The following ADAMTS3 variants were observed in gnomAD, a reference collection of about 807,000 sequenced individuals.
ADAMTS3 encodes the protein A disintegrin and metalloproteinase with thrombospondin motifs 3.
In ADAMTS3, 73 loss-of-function variants were observed where a neutral mutation model predicts 129.0. The ratio of observed to expected loss-of-function variants is 0.57; its 90% confidence interval spans 0.47 to 0.69. ADAMTS3 has a LOEUF of 0.69. Ranked by LOEUF, ADAMTS3 falls within the 30% of genes least tolerant of loss-of-function variation. The pLI, the probability that ADAMTS3 is intolerant of heterozygous loss-of-function variation, is 0.00. For synonymous variants in ADAMTS3, 477 were observed against 510.8 expected (o/e 0.93, Z 0.89); for missense variants, 1,457 against 1,514.5 (o/e 0.96, Z 0.63).
intron 5 of ADAMTS3, among the ~76,000 whole-genome samples, chr4:72,338,761 G>T (rs1411868738): frequency 2.0e-5 from 3 of 151,964 alleles, no homozygotes; most frequent in Admixed American, 6.6e-5. Context: ...CATATATAGA[G>T]TACATCAAAA....
intron 3 of ADAMTS3, among the ~76,000 whole-genome samples, chr4:72,539,920 G>A (rs1023474393): frequency 6.6e-6 from 1 of 152,142 alleles, no homozygotes; most frequent in African/African-American, 2.4e-5. Flanking sequence ...AAATTACCCA[G>A]TCTCAGATAC....
At chr4:72,342,651 C>T (rs750923225) in intron 4 of ADAMTS3, among the ~76,000 whole-genome samples, 1 of 152,112 alleles carries the variant, frequency 6.6e-6, no homozygotes, top group African/African-American at 2.4e-5. Flanking sequence ...GGATTATAGG[C>T]GTGAGCCACC....
intron 3 of ADAMTS3, among the ~76,000 whole-genome samples, chr4:72,522,877 C>A (rs185119839): frequency 2.9e-4 from 44 of 152,154 alleles, no homozygotes; most frequent in African/African-American, 9.6e-4. Flanking sequence ...TAAGACTGAG[C>A]CAGTACCAAA....
At chr4:72,515,154 A>G (rs1232643525) in intron 3 of ADAMTS3, among the ~76,000 whole-genome samples, 1 of 152,208 alleles carries the variant, frequency 6.6e-6, no homozygotes, top group Non-Finnish European at 1.5e-5. Flanking sequence ...GTCCCTACAA[A>G]GGACATGAAC....
chr4:72,408,009 C>T lies in ADAMTS3; in HGVS notation c.661+6806G>A, dbSNP rs1722093377. ...AAGTTTTAAATTTAGATATTTAGACCAGACAGGTTACAGTTGAAAATTAGA... is the reference window on the plus strand; with the variant it reads ...AAGTTTTAAATTTAGATATTTAGACTAGACAGGTTACAGTTGAAAATTAGA... On this transcript the variant is annotated intron_variant, in intron 4 of 21. Transcript: ENST00000286657. Among the ~76,000 whole-genome samples the T allele has an allele frequency of 3.3e-5, 5 of 151,912 alleles. No individual in the cohort carries two copies. The South Asian group carries it at 6.2e-4, about 19-fold the overall frequency.
At chr4:72,337,993 A>G (rs943980337) in intron 5 of ADAMTS3, among the ~76,000 whole-genome samples, 9 of 152,162 alleles carry the variant, frequency 5.9e-5, no homozygotes, top group Admixed American at 2.0e-4. Flanking sequence ...TGAATGACGT[A>G]AGAATAACAT....
chr4:72,361,400 T>C (rs749981774), intron 4 of ADAMTS3, among the ~76,000 whole-genome samples: 2 of 152,156 alleles, frequency 1.3e-5, no homozygotes, highest in South Asian at 2.1e-4. Context: ...AAGTGTCTTA[T>C]TGACAGATTG....
At chr4:72,479,330 T>C (rs1719352741) in intron 3 of ADAMTS3, among the ~76,000 whole-genome samples, 1 of 152,200 alleles carries the variant, frequency 6.6e-6, no homozygotes, top group Non-Finnish European at 1.5e-5. Flanking sequence ...AGCATGGTAC[T>C]GGTACCAAAA....
intron 19 of ADAMTS3, among the ~76,000 whole-genome samples, chr4:72,294,613 C>T (rs2109776540): frequency 6.6e-6 from 1 of 152,024 alleles, no homozygotes; most frequent in Admixed American, 6.6e-5. Flanking sequence ...GTACACAGCA[C>T]AACGATGAGT....
intron 3 of ADAMTS3, among the ~76,000 whole-genome samples, chr4:72,481,703 T>G (rs1035554510): frequency 6.6e-5 from 10 of 152,076 alleles, no homozygotes; most frequent in Admixed American, 3.9e-4. Flanking sequence ...ATTAAAAATT[T>G]TCTCTGCAAA....
At chr4:72,486,056 T>C (rs992256270) in intron 3 of ADAMTS3, among the ~76,000 whole-genome samples, 2 of 152,344 alleles carry the variant, frequency 1.3e-5, no homozygotes, top group African/African-American at 2.4e-5. Flanking sequence ...TGTTTCCATA[T>C]AGCAGCCCAA....
intron 19 of ADAMTS3, 144 bp from the exon 20 acceptor site, chr4:72,291,206 G>T: frequency 1.4e-6 from 1 of 730,132 alleles, no homozygotes; most frequent in Non-Finnish European, 2.2e-6. Flanking sequence ...GTTTCAGAAA[G>T]ATGGATATAA....
chr4:72,388,235 C>T (rs1167938972), intron 4 of ADAMTS3, among the ~76,000 whole-genome samples: 3 of 152,236 alleles, frequency 2.0e-5, no homozygotes, highest in Non-Finnish European at 4.4e-5. Context: ...TCCCAAACCT[C>T]AGGTCCTCAT....
In ADAMTS3 at chr4:72,295,721, A is replaced by C; in HGVS notation, c.2656T>G (p.Cys886Gly). 6.2e-7 allele frequency: 1 copy of C among 1,613,082 alleles called. No individual in the cohort carries two copies. The highest frequency in any genetic ancestry group is 1.3e-5 in the African/African-American group (1 of 75,022). The change falls in exon 19 of 22, where the codon TGT becomes GGT. Residue 886 changes from cysteine (C) to glycine (G), a missense_variant. By Grantham distance (159) the Cys-to-Gly change is radical. Transcript: ENST00000286657. ...GGTTTCGGCTTTTTGTTGGCCTCAC[A>C]GAAGCTGCGATGGACCATTTTATTA... ...SDNKMVHRSF[C>G]EANKKPKPIR...
intron 3 of ADAMTS3, among the ~76,000 whole-genome samples, chr4:72,510,984 T>C (rs558693059): frequency 6.6e-6 from 1 of 151,992 alleles, no homozygotes; most frequent in South Asian, 2.1e-4. Flanking sequence ...ACACACACAG[T>C]GAACTCATTT....
intron 11 of ADAMTS3, among the ~76,000 whole-genome samples, chr4:72,314,215 A>T (rs1242611324): frequency 6.6e-6 from 1 of 152,228 alleles, no homozygotes; most frequent in Non-Finnish European, 1.5e-5. Flanking sequence ...CTTTTTAAAA[A>T]TGATAAAATA....
Position 72,568,823 on chromosome 4 carries a change from CCCCCG to C in ADAMTS3, c.-66_-62del. 2 of 1,197,558 alleles carry C rather than the reference CCCCCG, an allele frequency of 1.7e-6. No homozygotes were observed. The highest frequency in any genetic ancestry group is 2.7e-5 in the South Asian group (2 of 74,266). 74.2% of individuals were successfully genotyped at this position (1,197,558 alleles called of 1,614,324 possible). On this transcript the variant is annotated 5_prime_UTR_variant, in exon 1 of 22. Coordinates refer to ENST00000286657, the MANE Select transcript of ADAMTS3 (RefSeq NM_014243.3). ...GCAAATGCCCAGAGCAAACCCACCC[CCCCCG>C]CCCAAAATAAGTTTCTTTAAGAAAA...
chr4:72,371,109 G>C (rs1237926569), intron 4 of ADAMTS3, among the ~76,000 whole-genome samples: 2 of 151,896 alleles, frequency 1.3e-5, no homozygotes, highest in African/African-American at 4.8e-5. Flanking sequence ...AGGAGCTAGG[G>C]GAGACATCAG....
rs144497995 is a variant in ADAMTS3 at position 72,521,994 on chromosome 4, C to A, written c.504+26484G>T. ...CCATTGAAAACAGAGCCGTATATGTCCCTTAACCAAACAAGCAAGGAGAAC... is the reference window on the plus strand; with the variant it reads ...CCATTGAAAACAGAGCCGTATATGTACCTTAACCAAACAAGCAAGGAGAAC... On this transcript the variant is annotated intron_variant, in intron 3 of 21. Transcript: ENST00000286657. Among the ~76,000 whole-genome samples the A allele has an allele frequency of 5.8e-3, 881 of 152,196 alleles. 2 individuals carry two copies. The highest frequency in any genetic ancestry group is 0.02 in the African/African-American group (846 of 41,538).
Sources: gnomAD v4.1 joint callset for allele counts (sites outside exome capture counted in the v4.1 genomes callset) on GRCh38, gnomAD v4.1.1 for gene constraint, MANE v1.5 for transcripts, NCBI Gene and HGNC (gene_info 2026-07-23, HGNC 2026-07-21) for gene names.